The following PTPRD variants were observed in gnomAD, a reference collection of about 807,000 sequenced individuals.
PTPRD encodes the protein protein tyrosine phosphatase receptor type D.
A neutral mutation model predicts 214.5 loss-of-function variants in PTPRD; 34 were observed. The ratio of observed to expected loss-of-function variants is 0.16; its 90% CI spans 0.12 to 0.21. PTPRD has a LOEUF of 0.21. Ranked by LOEUF, PTPRD falls within the 10% of genes least tolerant of loss-of-function variation. PTPRD has a pLI of 1.00. For synonymous variants in PTPRD, 1,128 were observed against 845.7 expected (o/e 1.33, Z -5.79); for missense variants, 2,545 against 2,398.7 (o/e 1.06, Z -1.27).
chr9:9,990,766 C>T (rs150941314), intron 4 of PTPRD, among the ~76,000 whole-genome samples: 1,769 of 152,236 alleles, frequency 0.012, 16 homozygotes, highest in Non-Finnish European at 0.015. Flanking sequence ...TTACAAATAT[C>T]TCCATTAAAT....
chr9:9,699,722 A>T (rs1176571250), intron 7 of PTPRD, among the ~76,000 whole-genome samples: 2 of 152,200 alleles, frequency 1.3e-5, no homozygotes, highest in Non-Finnish European at 2.9e-5. Context: ...AAGAAGAGGG[A>T]CCGTTAAAGT....
chr9:9,473,685 A>G (rs1312606611), intron 8 of PTPRD, among the ~76,000 whole-genome samples: 1 of 152,126 alleles, frequency 6.6e-6, no homozygotes, highest in East Asian at 1.9e-4. Flanking sequence ...CAGGGGTGAC[A>G]TACTTCATCA....
chr9:10,456,765 C>G (rs1465825392), intron 2 of PTPRD, among the ~76,000 whole-genome samples: 1 of 151,822 alleles, frequency 6.6e-6, no homozygotes, highest in Non-Finnish European at 1.5e-5. Flanking sequence ...TTTATACTTC[C>G]TTAATTTTCT....
chr9:9,084,340 G>A (rs2099763795), intron 10 of PTPRD, among the ~76,000 whole-genome samples: 1 of 152,096 alleles, frequency 6.6e-6, no homozygotes, highest in Non-Finnish European at 1.5e-5. Flanking sequence ...CTCATAAGTG[G>A]GAGTTGAACA....
At chr9:8,911,062 C>T (rs951188231) in intron 11 of PTPRD, among the ~76,000 whole-genome samples, 10 of 152,184 alleles carry the variant, frequency 6.6e-5, no homozygotes, top group Non-Finnish European at 1.2e-4. Flanking sequence ...AATCAAAATG[C>T]TGGCACAGCA....
intron 3 of PTPRD, among the ~76,000 whole-genome samples, chr9:10,121,569 C>G (rs1334135797): frequency 6.6e-6 from 1 of 152,108 alleles, no homozygotes; most frequent in Non-Finnish European, 1.5e-5. Flanking sequence ...CAAGAATATT[C>G]AATTGATGGC....
At chr9:9,034,646 C>G (rs144100390) in intron 10 of PTPRD, among the ~76,000 whole-genome samples, 364 of 152,138 alleles carry the variant, frequency 2.4e-3, no homozygotes, top group African/African-American at 8.4e-3. Flanking sequence ...GTAGTGGCTG[C>G]AGTGTAGTCA....
chr9:10,541,553 C>T (rs1210272177), intron 2 of PTPRD, among the ~76,000 whole-genome samples: 1 of 151,586 alleles, frequency 6.6e-6, no homozygotes, highest in Non-Finnish European at 1.5e-5. Context: ...TTATATAATA[C>T]ACAAATAAAA....
chr9:8,942,701 A>G (rs1045661640), intron 11 of PTPRD, among the ~76,000 whole-genome samples: 2 of 152,170 alleles, frequency 1.3e-5, no homozygotes, highest in Non-Finnish European at 1.5e-5. Context: ...TCAGAATGCA[A>G]TGGGCTTGGA....
chr9:10,124,595 G>A (rs1563966067), intron 3 of PTPRD, among the ~76,000 whole-genome samples: 1 of 152,048 alleles, frequency 6.6e-6, no homozygotes, highest in Non-Finnish European at 1.5e-5. Flanking sequence ...CCATATATAT[G>A]TCTCCTGCAC....
chr9:9,314,315 T>A (rs1195415442), intron 9 of PTPRD, among the ~76,000 whole-genome samples: 1 of 152,176 alleles, frequency 6.6e-6, no homozygotes. Context: ...GAATACTGAA[T>A]GAGTTGAAGA....
chr9:9,536,304 A>T (rs78167667), intron 8 of PTPRD, among the ~76,000 whole-genome samples: 2,387 of 152,034 alleles, frequency 0.016, 34 homozygotes, highest in Admixed American at 0.025. Context: ...AACAATGTGG[A>T]CTCAAAAATG....
intron 3 of PTPRD, among the ~76,000 whole-genome samples, chr9:10,167,165 G>A (rs183650364): frequency 1.1e-4 from 16 of 151,132 alleles, no homozygotes; most frequent in Admixed American, 4.6e-4. Context: ...AGAAGCTTAT[G>A]GAGTAGTATG....
intron 2 of PTPRD, among the ~76,000 whole-genome samples, chr9:10,446,982 C>T (rs181431923): frequency 2.6e-5 from 4 of 152,276 alleles, no homozygotes; most frequent in Non-Finnish European, 5.9e-5. Flanking sequence ...GTGAGACGAT[C>T]AGCCCAAATA....
chr9:9,647,488 A>C (rs530171720), intron 7 of PTPRD, among the ~76,000 whole-genome samples: 1 of 152,276 alleles, frequency 6.6e-6, no homozygotes, highest in African/African-American at 2.4e-5. Flanking sequence ...ATTTCTCCCA[A>C]GAATATGTGT....
At chr9:9,670,073 G>C (rs538162602) in intron 7 of PTPRD, among the ~76,000 whole-genome samples, 153 of 152,150 alleles carry the variant, frequency 1.0e-3, no homozygotes, top group African/African-American at 3.5e-3. Flanking sequence ...AGTAATATTT[G>C]GCAGATAATT....
At chr9:10,560,664 AG>A (rs1478389311) in intron 2 of PTPRD, among the ~76,000 whole-genome samples, 2 of 152,212 alleles carry the variant, frequency 1.3e-5, no homozygotes, top group African/African-American at 2.4e-5. Flanking sequence ...CAAAACTCAA[AG>A]AAATATCATA....
At chr9:8,528,974 C>A (rs1053163602) in intron 14 of PTPRD, among the ~76,000 whole-genome samples, 195 bp from the exon 15 acceptor site, 1 of 152,080 alleles carries the variant, frequency 6.6e-6, no homozygotes, top group Non-Finnish European at 1.5e-5. Flanking sequence ...AAGAGGCCAA[C>A]AGACTAACAC....
At chr9:8,726,742 A>T (rs1598107070) in intron 12 of PTPRD, among the ~76,000 whole-genome samples, 1 of 142,894 alleles carries the variant, frequency 7.0e-6, no homozygotes, top group African/African-American at 2.6e-5. Context: ...TGGAGTTTGC[A>T]GTGAGCCAAC....
Sources: gnomAD v4.1 joint callset for allele counts (sites outside exome capture counted in the v4.1 genomes callset) on GRCh38, gnomAD v4.1.1 for gene constraint, MANE v1.5 for transcripts, NCBI Gene and HGNC (gene_info 2026-07-23, HGNC 2026-07-21) for gene names.